Variants in WDFY2 observed in about 807,000 individuals in gnomAD.
The protein encoded by WDFY2 is WD repeat and FYVE domain containing 2.
Under a neutral mutation model 56.4 loss-of-function variants are expected in WDFY2, and 36 were observed. The observed-to-expected ratio is 0.64, with a 90% CI of 0.49 to 0.84. The LOEUF (loss-of-function observed/expected upper bound fraction) is 0.84, where lower values mean the gene tolerates loss of function less well. Ranked by LOEUF, WDFY2 falls within the 40% of genes least tolerant of loss-of-function variation. The pLI is 0.00. For missense variants in WDFY2, 444 were observed against 512.2 expected (o/e 0.87, Z 1.29); for synonymous variants, 176 against 183.7 (o/e 0.96, Z 0.34).
At chr13:51,613,638 A>G (rs1443222948) in intron 1 of WDFY2, among the ~76,000 whole-genome samples, 2 of 152,198 alleles carry the variant, frequency 1.3e-5, no homozygotes, top group African/African-American at 2.4e-5. Context: ...ACAAAAATAC[A>G]TACTCAGTCT....
intron 2 of WDFY2, among the ~76,000 whole-genome samples, chr13:51,671,990 G>T (rs1230604129): frequency 6.6e-6 from 1 of 151,902 alleles, no homozygotes; most frequent in Non-Finnish European, 1.5e-5. Context: ...CGCCATGTTG[G>T]CCAGGCTGGT....
chr13:51,737,120 C>T (rs117341248), intron 6 of WDFY2, among the ~76,000 whole-genome samples: 1,963 of 152,196 alleles, frequency 0.013, 11 homozygotes, highest in Non-Finnish European at 0.02. Context: ...CAAGTGAGAC[C>T]ATCTCAGAGA....
chr13:51,612,754 T>A (rs1954528077), intron 1 of WDFY2, among the ~76,000 whole-genome samples: 2 of 152,234 alleles, frequency 1.3e-5, no homozygotes, highest in African/African-American at 4.8e-5. Context: ...CTGTGCATTG[T>A]CCTTCTTTGT....
At chr13:51,602,776 A>G (rs1327269679) in intron 1 of WDFY2, among the ~76,000 whole-genome samples, 2 of 152,264 alleles carry the variant, frequency 1.3e-5, no homozygotes, top group Non-Finnish European at 2.9e-5. Context: ...ATAAATGACT[A>G]GTATGACCTC....
At chr13:51,694,580 G>C (rs926374192) in intron 3 of WDFY2, among the ~76,000 whole-genome samples, 1 of 152,044 alleles carries the variant, frequency 6.6e-6, no homozygotes, top group Non-Finnish European at 1.5e-5. Flanking sequence ...TCCCTTTGTG[G>C]GTAACCCGAC....
chr13:51,619,433 CAAA>C (rs5803565), intron 1 of WDFY2, among the ~76,000 whole-genome samples: 1 of 135,804 alleles, frequency 7.4e-6, no homozygotes, highest in Non-Finnish European at 1.6e-5. Context: ...ACACTATCTC[CAAA>C]AAAAAAAAAA....
At chr13:51,628,618 C>G (rs1473299957) in intron 1 of WDFY2, among the ~76,000 whole-genome samples, 4 of 152,224 alleles carry the variant, frequency 2.6e-5, no homozygotes, top group African/African-American at 7.2e-5. Flanking sequence ...CGGCACCCCC[C>G]CTGCTGCAGC....
rs1490400647 is a variant in WDFY2, at chr13:51,684,898, G to A, written c.279+9655G>A. ...GTCTCTAGGTTTCTCCAGCTGCTCC[G>A]CCGTCAGATATCCAAAGTTCTATAC... is the stretch of plus-strand genomic sequence containing the variant. On this transcript the variant is annotated intron_variant, in intron 3 of 11. Transcript: ENST00000298125. Among the ~76,000 whole-genome samples, 7 of 152,046 alleles carry A rather than the reference G, an allele frequency of 4.6e-5. No homozygotes were observed. The East Asian group carries it at 9.6e-4, about 21-fold the overall frequency.
chr13:51,615,248 C>T (rs994520805), intron 1 of WDFY2, among the ~76,000 whole-genome samples: 5 of 151,656 alleles, frequency 3.3e-5, no homozygotes, highest in African/African-American at 4.8e-5. Flanking sequence ...AAAAAGCTAA[C>T]CCTATTAAAA....
chr13:51,695,750 C>CTTT lies in WDFY2; in HGVS notation c.280-7845_280-7844insTTT, dbSNP rs1181167487. Among the ~76,000 whole-genome samples, 34 of 152,376 alleles carry CTTT rather than the reference C, an allele frequency of 2.2e-4. 1 individual carries two copies. Among genetic ancestry groups the CTTT allele is most frequent in the Middle Eastern group, 3.4e-3 (1 of 294 alleles). On this transcript the variant is annotated intron_variant, in intron 3 of 11. Coordinates refer to ENST00000298125, the MANE Select transcript of WDFY2 (RefSeq NM_052950.4). Reference sequence around the variant, plus strand: ...GGGACATTTAAGTCTGCAGAGGTTACTGCTGTCTTTTTGTTTGTCTGCCCC... The same window carrying CTTT: ...GGGACATTTAAGTCTGCAGAGGTTACTTTTGCTGTCTTTTTGTTTGTCTGCCCC...
intron 1 of WDFY2, among the ~76,000 whole-genome samples, chr13:51,651,233 T>G (rs1176450891): frequency 6.6e-6 from 1 of 152,228 alleles, no homozygotes; most frequent in African/African-American, 2.4e-5. Flanking sequence ...TGATAGTAGT[T>G]TGTATTTCTG....
chr13:51,701,520 CAA>C (rs368134096), intron 3 of WDFY2, among the ~76,000 whole-genome samples: 5 of 79,534 alleles, frequency 6.3e-5, no homozygotes, highest in Admixed American at 1.4e-4. Context: ...GATTCCATCT[CAA>C]AAAAAAAAAA....
At position 51,759,043 on chromosome 13, in the gene WDFY2, G is replaced by A. The variant is rs745512034; in HGVS notation, c.1174-697G>A. On this transcript the variant is annotated intron_variant, in intron 11 of 11. Coordinates refer to ENST00000298125, the MANE Select transcript of WDFY2 (RefSeq NM_052950.4). The stretch of plus-strand genomic sequence containing the variant: ...CAAAAAAATCAAAAATTAGCCAGAC[G>A]TGGTGGTTCCTGCCTGTAGTCCAGC... 3.3e-5 allele frequency among the ~76,000 whole-genome samples: 5 copies of A among 152,244 alleles called. No individual in the cohort carries two copies. In the East Asian group the frequency reaches 7.7e-4, roughly 23 times the overall value.
chr13:51,703,473 G>A (rs1278274678), intron 3 of WDFY2, 123 bp from the exon 4 acceptor site: 3 of 692,360 alleles, frequency 4.3e-6, no homozygotes, highest in African/African-American at 1.9e-5. Flanking sequence ...TGAGTTGATG[G>A]GCAAAATACT....
chr13:51,707,929 C>T (rs1952119622), intron 4 of WDFY2, among the ~76,000 whole-genome samples: 1 of 135,008 alleles, frequency 7.4e-6, no homozygotes, highest in Admixed American at 7.8e-5. Flanking sequence ...TACTATTAAC[C>T]CTAAAACAAC....
chr13:51,590,166 G>C (rs548440312), intron 1 of WDFY2: 1 of 152,086 alleles, frequency 6.6e-6, no homozygotes, highest in South Asian at 2.1e-4. Context: ...TCCACATATT[G>C]CAATGCTATG....
intron 5 of WDFY2, among the ~76,000 whole-genome samples, chr13:51,723,126 A>C (rs947957891): frequency 1.3e-5 from 2 of 152,210 alleles, no homozygotes; most frequent in Non-Finnish European, 2.9e-5. Flanking sequence ...CCAGTCATTC[A>C]CATCCACTGT....
At chr13:51,610,673 TCTA>T (rs908703579) in intron 1 of WDFY2, among the ~76,000 whole-genome samples, 1 of 152,222 alleles carries the variant, frequency 6.6e-6, no homozygotes, top group African/African-American at 2.4e-5. Context: ...TAATGCCAAA[TCTA>T]CTATCTATTA....
At position 51,584,700 on chromosome 13, in the gene WDFY2, A is replaced by G; in HGVS notation, c.13A>G (p.Ile5Val). Residue 5 changes from isoleucine to valine, a missense_variant, in exon 1 of 12, where the codon ATC (isoleucine) becomes GTC (valine). By Grantham distance (29) the Ile-to-Val change is conservative. Coordinates refer to ENST00000298125, the MANE Select transcript of WDFY2 (RefSeq NM_052950.4). ...GCCCCCTCCTCCGATGGCGGCGGAG[A>G]TCCAGCCCAAGCCTCTGACCCGCAA... MAAE[I>V]QPKPLTRKPI... The G allele has an allele frequency of 6.2e-7, 1 of 1,612,414 alleles. No individual in the cohort carries two copies. The highest frequency in any genetic ancestry group is 8.5e-7 in the Non-Finnish European group (1 of 1,179,464).
Sources: allele counts gnomAD v4.1 joint callset (sites outside exome capture counted in the v4.1 genomes callset), GRCh38; gene constraint gnomAD v4.1.1; transcripts MANE v1.5; gene names NCBI Gene and HGNC (gene_info 2026-07-23, HGNC 2026-07-21).